The following MEIS2 variants were observed in gnomAD, a reference collection of about 807,000 sequenced individuals.
MEIS2 encodes homeobox protein Meis2.
Under a neutral mutation model 58.6 loss-of-function variants are expected in MEIS2, and 9 were observed. The ratio of observed to expected loss-of-function variants is 0.15; its 90% CI spans 0.09 to 0.27. The LOEUF (loss-of-function observed/expected upper bound fraction) is 0.27. Ranked by LOEUF, MEIS2 falls within the 10% of genes least tolerant of loss-of-function variation. MEIS2 has a pLI of 1.00. For synonymous variants in MEIS2, 221 were observed against 228.4 expected, an observed-to-expected ratio of 0.97 and a Z score of 0.29; for missense variants, 427 against 635.0, an observed-to-expected ratio of 0.67 and a Z score of 3.52.
At chr15:37,066,238 T>C (rs943721387) in intron 7 of MEIS2, 1 of 152,160 alleles carries the variant, frequency 6.6e-6, no homozygotes, top group African/African-American at 2.4e-5. Flanking sequence ...GGCTCCAGTT[T>C]AACTTGAAGA....
At position 36,970,179 on chromosome 15, in the gene MEIS2, G is replaced by A. The variant is rs527868912; in HGVS notation, c.901-19779C>T. On this transcript the variant is annotated intron_variant, in intron 8 of 11. Transcript: ENST00000561208. Reference sequence around the variant, plus strand: ...AGCACTTTGGGAGGCCAAGGCGGGAGGATCATGAGGTCAGGAGATCCGGAC... The same window carrying A: ...AGCACTTTGGGAGGCCAAGGCGGGAAGATCATGAGGTCAGGAGATCCGGAC... Among the ~76,000 whole-genome samples, 18 of 152,244 alleles carry A rather than the reference G, an allele frequency of 1.2e-4. No homozygotes were observed. The East Asian group carries it at 3.3e-3, about 28-fold the overall frequency.
intron 9 of MEIS2, among the ~76,000 whole-genome samples, chr15:36,949,015 C>A (rs1380772661): frequency 6.6e-6 from 1 of 151,980 alleles, no homozygotes; most frequent in East Asian, 1.9e-4. Flanking sequence ...CTGACAGAAG[C>A]AAGGCAACTC....
chr15:36,993,093 A>G, intron 8 of MEIS2, among the ~76,000 whole-genome samples: 1 of 152,130 alleles, frequency 6.6e-6, no homozygotes, highest in East Asian at 1.9e-4. Context: ...CGGCAGCAAA[A>G]TGTCAATGAA....
At chr15:37,030,616 C>T (rs1034356789) in intron 8 of MEIS2, among the ~76,000 whole-genome samples, 3 of 151,272 alleles carry the variant, frequency 2.0e-5, no homozygotes, top group Admixed American at 6.6e-5. Context: ...GGATTACAGG[C>T]GTGAGTCATC....
intron 8 of MEIS2, among the ~76,000 whole-genome samples, chr15:37,030,543 C>T (rs772142700): frequency 2.0e-5 from 3 of 151,886 alleles, no homozygotes; most frequent in African/African-American, 7.3e-5. Flanking sequence ...CACCATGTTG[C>T]CCAGGCTGGT....
intron 7 of MEIS2, among the ~76,000 whole-genome samples, chr15:37,055,596 T>C (rs964395633): frequency 1.3e-5 from 2 of 152,184 alleles, no homozygotes; most frequent in African/African-American, 4.8e-5. Flanking sequence ...GACAAAAATG[T>C]GATAAAAGAA....
chr15:37,017,360 T>A (rs1053126512), intron 8 of MEIS2, among the ~76,000 whole-genome samples: 6 of 152,114 alleles, frequency 3.9e-5, no homozygotes, highest in Non-Finnish European at 8.8e-5. Context: ...CCCTGCACTT[T>A]GGGAGGCTGA....
chr15:37,068,722 G>C (rs1315526077), intron 7 of MEIS2, among the ~76,000 whole-genome samples: 1 of 152,126 alleles, frequency 6.6e-6, no homozygotes, highest in Non-Finnish European at 1.5e-5. Context: ...ACTAGAAAGA[G>C]GTCAGGTTTA....
rs369903405 is a variant in MEIS2, at chr15:37,068,685, A to G, written c.754+15086T>C. Among the ~76,000 whole-genome samples the G allele has an allele frequency of 1.8e-4, 28 of 152,306 alleles. 2 individuals carry two copies. The highest frequency in any genetic ancestry group is 6.3e-4 in the African/African-American group (26 of 41,560). ...TCCTACTGGCAAGTGTACCATAAAA[A>G]CTAAGCAAATGTTACTAGACAACAT... On this transcript the variant is annotated intron_variant, in intron 7 of 11. Transcript: ENST00000561208.
intron 7 of MEIS2, among the ~76,000 whole-genome samples, chr15:37,053,965 G>A (rs948890542): frequency 1.3e-5 from 2 of 152,194 alleles, no homozygotes; most frequent in African/African-American, 4.8e-5. Context: ...ACAACCAAGT[G>A]TAGGGGCATA....
At chr15:37,051,683 T>C (rs1391115106) in intron 7 of MEIS2, among the ~76,000 whole-genome samples, 2 of 152,186 alleles carry the variant, frequency 1.3e-5, no homozygotes, top group Middle Eastern at 3.2e-3. Context: ...AAACCTGTTA[T>C]TTGGCATAAA....
intron 8 of MEIS2, among the ~76,000 whole-genome samples, chr15:36,984,095 G>T (rs2060018246): frequency 6.6e-6 from 1 of 151,754 alleles, no homozygotes. Context: ...CATCTACAGA[G>T]AAATTTTTAC....
intron 6 of MEIS2, among the ~76,000 whole-genome samples, chr15:37,088,501 C>T (rs893599434): frequency 1.3e-5 from 2 of 152,106 alleles, no homozygotes; most frequent in Non-Finnish European, 2.9e-5. Flanking sequence ...TCTTGGGGTA[C>T]TGAAGTCTAC....
chr15:36,984,145 T>G (rs773534349), intron 8 of MEIS2, among the ~76,000 whole-genome samples: 1 of 152,170 alleles, frequency 6.6e-6, no homozygotes, highest in East Asian at 1.9e-4. Flanking sequence ...TTTCTTTTTC[T>G]TGCCTAATTG....
intron 9 of MEIS2, among the ~76,000 whole-genome samples, chr15:36,915,723 T>C (rs547084843): frequency 6.6e-6 from 1 of 152,282 alleles, no homozygotes; most frequent in East Asian, 1.9e-4. Context: ...TTCATTTAAG[T>C]GAAGCAAACA....
Position 37,046,079 on chromosome 15 carries a change from A to G in MEIS2, c.755-9120T>C, listed in dbSNP as rs536684283. Among the ~76,000 whole-genome samples, 11 of 152,320 alleles carry G rather than the reference A, an allele frequency of 7.2e-5. No homozygotes were observed. The South Asian group carries it at 1.2e-3, about 17-fold the overall frequency. ...GCAAATTCAGCCTCAAATGGCTCCA[A>G]ATGCTCGGAGCTGCAGGGGCTCATT... On this transcript the variant is annotated intron_variant, in intron 7 of 11. Coordinates refer to ENST00000561208, the MANE Select transcript of MEIS2 (RefSeq NM_170675.5).
intron 7 of MEIS2, among the ~76,000 whole-genome samples, chr15:37,075,491 G>A (rs1351474979): frequency 2.0e-5 from 3 of 151,940 alleles, no homozygotes; most frequent in Non-Finnish European, 2.9e-5. Context: ...ATATCCATAC[G>A]TTCCAAAGAG....
At chr15:37,031,455 C>T (rs2061921416) in intron 8 of MEIS2, among the ~76,000 whole-genome samples, 1 of 30,072 alleles carries the variant, frequency 3.3e-5, no homozygotes. Context: ...GTGTACATTA[C>T]AATAACAAAT....
intron 7 of MEIS2, among the ~76,000 whole-genome samples, chr15:37,049,984 G>C (rs1371507693): frequency 6.6e-6 from 1 of 152,026 alleles, no homozygotes; most frequent in East Asian, 1.9e-4. Flanking sequence ...TGAAAAATTT[G>C]CAATAGATAT....
Sources: gnomAD v4.1 joint callset for allele counts (sites outside exome capture counted in the v4.1 genomes callset) on GRCh38, gnomAD v4.1.1 for gene constraint, MANE v1.5 for transcripts, NCBI Gene and HGNC (gene_info 2026-07-23, HGNC 2026-07-21) for gene names.